IGSF10: variants seen among roughly 807,000 people sequenced by gnomAD.
IGSF10 encodes the protein immunoglobulin superfamily member 10.
In IGSF10, 126 loss-of-function variants were observed where a neutral mutation model predicts 128.2. That is an observed-to-expected ratio of 0.98 (90% confidence interval 0.85 to 1.14). IGSF10 has a LOEUF of 1.14. Ranked by LOEUF, IGSF10 falls within the 50% of genes most tolerant of loss-of-function variation. The pLI is 0.00. For missense variants in IGSF10, 3,295 were observed against 3,149.8 expected (o/e 1.05, Z -1.10); for synonymous variants, 1,185 against 1,146.2 (o/e 1.03, Z -0.68).
At chr3:151,575,221 G>A in the IGSF10 span, among the ~76,000 whole-genome samples, 432 of 142,688 alleles carry the variant, frequency 3.0e-3, 1 homozygote, top group African/African-American at 0.012. Flanking sequence ...GAGGCAGTCT[G>A]TCCACCATCC....
At chr3:151,549,147 A>C in the IGSF10 span, among the ~76,000 whole-genome samples, 1 of 152,136 alleles carries the variant, frequency 6.6e-6, no homozygotes, top group African/African-American at 2.4e-5. Context: ...CTCATAGTTA[A>C]GAATAGGACA....
the IGSF10 span, among the ~76,000 whole-genome samples, chr3:151,601,181 A>G: frequency 6.6e-6 from 1 of 152,150 alleles, no homozygotes; most frequent in East Asian, 1.9e-4. Context: ...TTGGTGACAC[A>G]TCTTCCCTAT....
the IGSF10 span, among the ~76,000 whole-genome samples, chr3:151,580,551 A>G: frequency 7.9e-5 from 12 of 152,202 alleles, no homozygotes; most frequent in Middle Eastern, 3.2e-3. Flanking sequence ...TTGATTATTG[A>G]TTACTGGGAA....
chr3:151,548,821 C>CT, the IGSF10 span, among the ~76,000 whole-genome samples: 4 of 151,724 alleles, frequency 2.6e-5, no homozygotes, highest in East Asian at 3.9e-4. Context: ...ATTTCTTCTT[C>CT]TTTTTTTCTT....
In IGSF10 at chr3:151,436,727, C is replaced by T. The variant is rs780634900; in HGVS notation, c.7834G>A (p.Gly2612Ser). ...ATATACGTTGCTGCATAATCACTAC[C>T]AAGTGGGTTCTTTGCTGTGCATTTG... ...IYKCTAKNPL[G>S]SDYAATYIQV... The change falls in exon 8 of 8, where the codon GGT becomes AGT. Residue 2612 changes from glycine to serine, a missense_variant. Transcript: ENST00000282466. 15 of 1,613,584 alleles carry T rather than the reference C, an allele frequency of 9.3e-6. No homozygotes were observed. Among genetic ancestry groups the T allele is most frequent in the Non-Finnish European group, 1.0e-5 (12 of 1,179,812 alleles).
chr3:151,516,662 C>T, the IGSF10 span, among the ~76,000 whole-genome samples: 2 of 146,150 alleles, frequency 1.4e-5, no homozygotes, highest in African/African-American at 5.1e-5. Flanking sequence ...TGTTAAGTTC[C>T]AGAAGCAGAA....
At chr3:151,508,277 T>C in the IGSF10 span, among the ~76,000 whole-genome samples, 1 of 152,070 alleles carries the variant, frequency 6.6e-6, no homozygotes, top group Non-Finnish European at 1.5e-5. Flanking sequence ...ATGGAAAACA[T>C]AAAATGAAAG....
intron 4 of IGSF10, among the ~76,000 whole-genome samples, chr3:151,455,432 T>G (rs1357671934): frequency 6.6e-6 from 1 of 150,976 alleles, no homozygotes; most frequent in Non-Finnish European, 1.5e-5. Context: ...TAATAAACTT[T>G]ATTTTGCACC....
chr3:151,555,912 C>T, the IGSF10 span, among the ~76,000 whole-genome samples: 1 of 152,262 alleles, frequency 6.6e-6, no homozygotes, highest in African/African-American at 2.4e-5. Context: ...AGTAATTACG[C>T]CTCTGTAATC....
the IGSF10 span, among the ~76,000 whole-genome samples, chr3:151,541,318 A>G: frequency 6.6e-6 from 1 of 152,214 alleles, no homozygotes; most frequent in African/African-American, 2.4e-5. Flanking sequence ...TCTTTACATT[A>G]TATGGGAGGC....
At position 151,443,620 on chromosome 3, in the gene IGSF10, G is replaced by A. The variant is rs768489911; in HGVS notation, c.5327C>T (p.Thr1776Ile). The part of the protein sequence containing the change: ...KCRAEGRPSP[T>I]VTWILANQTV... ...TTGGTTTGCAAGAATCCAGGTAACT[G>A]TAGGGCTTGGCCTACCTTCTGCTCT... is the stretch of plus-strand genomic sequence containing the variant. Residue 1776 changes from threonine to isoleucine, a missense_variant, in exon 7 of 8, where the codon ACA becomes ATA. Coordinates refer to ENST00000282466, the MANE Select transcript of IGSF10 (RefSeq NM_178822.5). The A allele has an allele frequency of 2.5e-6, 4 of 1,614,220 alleles. No individual in the cohort carries two copies. The highest frequency in any genetic ancestry group is 1.1e-5 in the South Asian group (1 of 91,080).
chr3:151,456,710 G>T (rs1721814102), intron 4 of IGSF10, among the ~76,000 whole-genome samples: 1 of 152,034 alleles, frequency 6.6e-6, no homozygotes, highest in Non-Finnish European at 1.5e-5. Context: ...TTACTTTTAG[G>T]AACCACATTC....
chr3:151,495,347 A>G, the IGSF10 span, among the ~76,000 whole-genome samples: 12 of 152,136 alleles, frequency 7.9e-5, no homozygotes, highest in Non-Finnish European at 1.8e-4. Flanking sequence ...AAATAGCACA[A>G]ATGCAGTTGT....
In IGSF10 at chr3:151,438,486, A is replaced by G. The variant is rs780842125; in HGVS notation, c.6075T>C (p.Asp2025=). 1.2e-5 allele frequency: 20 copies of G among 1,614,050 alleles called. No individual in the cohort carries two copies. The highest frequency in any genetic ancestry group is 1.6e-4 in the Middle Eastern group (1 of 6,084). Residue 2025 remains aspartate, a synonymous_variant, in exon 8 of 8, where the codon GAT becomes GAC. Transcript: ENST00000282466. ...TTAGGCTAACATGCATCAGTATCAGATCATCCCCCATTTTGTTTCTTGCCA... is the reference window on the plus strand; with the variant it reads ...TTAGGCTAACATGCATCAGTATCAGGTCATCCCCCATTTTGTTTCTTGCCA... The part of the protein sequence containing the change: ...LCVARNKMGD[D]LILMHVSLRL...
chr3:151,609,475 T>C, the IGSF10 span, among the ~76,000 whole-genome samples: 1 of 152,096 alleles, frequency 6.6e-6, no homozygotes, highest in Non-Finnish European at 1.5e-5. Context: ...CCTTTTGACT[T>C]AGCATTCCCA....
At chr3:151,514,770 A>G in the IGSF10 span, among the ~76,000 whole-genome samples, 1 of 152,190 alleles carries the variant, frequency 6.6e-6, no homozygotes, top group African/African-American at 2.4e-5. Context: ...CAAATTTACA[A>G]GAAAAAAACA....
At chr3:151,579,352 C>T in the IGSF10 span, among the ~76,000 whole-genome samples, 6 of 152,190 alleles carry the variant, frequency 3.9e-5, no homozygotes, top group African/African-American at 1.4e-4. Flanking sequence ...ACAATGCAAT[C>T]AAGAGAACCA....
At chr3:151,475,204 A>T in the IGSF10 span, among the ~76,000 whole-genome samples, 1 of 152,244 alleles carries the variant, frequency 6.6e-6, no homozygotes, top group Middle Eastern at 3.4e-3. Flanking sequence ...AAAAGATGTG[A>T]CTTGTGAATT....
At chr3:151,489,155 G>A in the IGSF10 span, among the ~76,000 whole-genome samples, 2 of 152,188 alleles carry the variant, frequency 1.3e-5, no homozygotes, top group South Asian at 4.1e-4. Context: ...TCATCAAAAA[G>A]TGGGTGAGGG....
Sources: gnomAD v4.1 joint callset for allele counts (sites outside exome capture counted in the v4.1 genomes callset) on GRCh38, gnomAD v4.1.1 for gene constraint, MANE v1.5 for transcripts, NCBI Gene and HGNC (gene_info 2026-07-23, HGNC 2026-07-21) for gene names.